Variants in PADI6 observed in about 807,000 individuals in gnomAD.
The protein encoded by PADI6 is inactive protein-arginine deiminase type-6.
Under a neutral mutation model 78.2 loss-of-function variants are expected in PADI6, and 66 were observed. That is an observed-to-expected ratio of 0.84 (90% confidence interval 0.69 to 1.04). The LOEUF is 1.04. Among genes scored for constraint, PADI6 ranks in the 50% least tolerant of loss-of-function variants. The pLI, the probability that PADI6 is intolerant of heterozygous loss-of-function variation, is 0.00. For synonymous variants in PADI6, 397 were observed against 346.9 expected (o/e 1.14, Z -1.60); for missense variants, 854 against 866.1 (o/e 0.99, Z 0.18).
chr1:17,383,877 C>T (rs1055813497), intron 6 of PADI6, among the ~76,000 whole-genome samples: 6 of 149,598 alleles, frequency 4.0e-5, no homozygotes, highest in South Asian at 2.2e-4. Flanking sequence ...GGGCTGAGCA[C>T]GGGGCTTATG....
intron 15 of PADI6, among the ~76,000 whole-genome samples, chr1:17,400,010 G>T (rs994157779): frequency 5.3e-5 from 8 of 151,922 alleles, no homozygotes; most frequent in Non-Finnish European, 4.4e-5. Context: ...ACTCCAGCCT[G>T]GGCAACAGCA....
chr1:17,376,538 A>AT (rs890885268), intron 3 of PADI6, among the ~76,000 whole-genome samples: 3 of 143,970 alleles, frequency 2.1e-5, no homozygotes, highest in African/African-American at 2.6e-5. Context: ...TTAGTGGGCT[A>AT]TTTTTTTTGT....
chr1:17,390,726 A>AG (rs1291475977), intron 8 of PADI6, among the ~76,000 whole-genome samples: 1 of 152,194 alleles, frequency 6.6e-6, no homozygotes, highest in East Asian at 1.9e-4. Context: ...CAGGATGAGA[A>AG]GGTAAAATCT....
chr1:17,387,075 T>TAA (rs142662356), intron 6 of PADI6, among the ~76,000 whole-genome samples: 1,569 of 151,864 alleles, frequency 0.01, 44 homozygotes, highest in African/African-American at 0.035. Flanking sequence ...CGGGCACAGA[T>TAA]AGAGGACAGG....
intron 8 of PADI6, among the ~76,000 whole-genome samples, chr1:17,390,999 C>A (rs1000713362): frequency 3.7e-4 from 56 of 152,138 alleles, no homozygotes. Context: ...CTGGTAGCTC[C>A]CTGTGGCTTT....
intron 14 of PADI6, 141 bp from the exon 15 acceptor site, chr1:17,398,545 C>T (rs984432782): frequency 2.4e-5 from 14 of 588,066 alleles, no homozygotes; most frequent in Non-Finnish European, 3.9e-5. Flanking sequence ...AAGTGTGAGG[C>T]TCCTGGCACA....
intron 1 of PADI6, 39 bp downstream of exon 1, chr1:17,372,400 C>T (rs949142507): frequency 1.0e-5 from 16 of 1,575,524 alleles, no homozygotes; most frequent in African/African-American, 2.7e-5. Context: ...GGCAGGCAGA[C>T]AGGCAGGCAG....
rs557733542 is a variant in PADI6, at chr1:17,395,179, G to A, written c.1494+72G>A. On this transcript the variant is annotated intron_variant, in intron 12 of 15. Coordinates refer to ENST00000619609, the MANE Select transcript of PADI6 (RefSeq NM_207421.4). ...TTGGGGAATCTTGGAAGATTCTGGA[G>A]AGAAAACTGGCTTTTTCTTGTTTTT... 2.7e-5 allele frequency: 41 copies of A among 1,506,002 alleles called. 1 individual carries two copies. In the South Asian group the frequency reaches 5.0e-4, roughly 18 times the overall value. The allele number at this position is 1,506,002 out of a possible 1,614,324, so 93.3% of individuals were successfully genotyped here.
At chr1:17,379,886 A>G (rs773262034) in intron 3 of PADI6, 34 bp from the exon 4 acceptor site, 1 of 1,601,988 alleles carries the variant, frequency 6.2e-7, no homozygotes, top group Non-Finnish European at 8.5e-7. Context: ...CTGGCAGGTC[A>G]AGGTGGCTGG....
chr1:17,388,235 G>C (rs1438992878), intron 6 of PADI6, 146 bp from the exon 7 acceptor site: 1 of 682,510 alleles, frequency 1.5e-6, no homozygotes, highest in Non-Finnish European at 2.4e-6. Context: ...TGCTAGAAAC[G>C]GGGATGGCTG....
intron 11 of PADI6, 56 bp from the exon 12 acceptor site, chr1:17,394,895 G>A (rs2075229969): frequency 6.7e-7 from 1 of 1,493,692 alleles, no homozygotes; most frequent in East Asian, 2.5e-5. Flanking sequence ...CAAGTGGCGG[G>A]TGACCAGCCC....
intron 6 of PADI6, among the ~76,000 whole-genome samples, chr1:17,387,076 A>G (rs2075127038): frequency 6.7e-6 from 1 of 148,614 alleles, no homozygotes; most frequent in Non-Finnish European, 1.5e-5. Flanking sequence ...GGGCACAGAT[A>G]GAGGACAGGC....
intron 1 of PADI6, 130 bp from the exon 2 acceptor site, chr1:17,372,926 C>T: frequency 1.0e-6 from 1 of 974,222 alleles, no homozygotes; most frequent in East Asian, 2.7e-5. Context: ...GAATAAGGAC[C>T]CCAGACCACT....
intron 6 of PADI6, among the ~76,000 whole-genome samples, chr1:17,387,730 G>A (rs111734592): frequency 0.012 from 1,862 of 152,194 alleles, 44 homozygotes; most frequent in African/African-American, 0.042. Context: ...CAGCCTGGGC[G>A]ACAGAGCAAG....
chr1:17,378,691 A>G, intron 3 of PADI6, among the ~76,000 whole-genome samples: 1 of 151,272 alleles, frequency 6.6e-6, no homozygotes, highest in Admixed American at 6.6e-5. Context: ...TGCAATCTCC[A>G]CCTCCTGGGT....
chr1:17,400,781 A>T (rs2075294079), intron 15 of PADI6, among the ~76,000 whole-genome samples: 1 of 152,034 alleles, frequency 6.6e-6, no homozygotes, highest in Non-Finnish European at 1.5e-5. Flanking sequence ...CCAATTGTAC[A>T]TGGGTGTCTT....
intron 5 of PADI6, 140 bp from the exon 6 acceptor site, chr1:17,381,827 T>A (rs2075075477): frequency 2.1e-6 from 2 of 936,052 alleles, no homozygotes; most frequent in East Asian, 5.2e-5. Context: ...ATGGTAATTC[T>A]TCGGGCCTGG....
intron 15 of PADI6, 67 bp downstream of exon 15, chr1:17,398,914 C>T (rs2075274282): frequency 2.0e-6 from 3 of 1,500,168 alleles, no homozygotes; most frequent in South Asian, 2.4e-5. Flanking sequence ...TGCCACCTCA[C>T]TGTGCTGGAC....
intron 2 of PADI6, among the ~76,000 whole-genome samples, chr1:17,374,880 T>C (rs1255420172): frequency 6.6e-6 from 1 of 152,154 alleles, no homozygotes; most frequent in Non-Finnish European, 1.5e-5. Flanking sequence ...AGGGCAGGTC[T>C]CTTTCTAAAA....
Sources: gnomAD v4.1 joint callset for allele counts (sites outside exome capture counted in the v4.1 genomes callset) on GRCh38, gnomAD v4.1.1 for gene constraint, MANE v1.5 for transcripts, NCBI Gene and HGNC (gene_info 2026-07-23, HGNC 2026-07-21) for gene names.